The following AGBL4 variants were observed in gnomAD, a reference collection of about 807,000 sequenced individuals.
AGBL4 encodes the protein cytosolic carboxypeptidase 6.
A neutral mutation model predicts 66.4 loss-of-function variants in AGBL4; 58 were observed. That is an observed-to-expected ratio of 0.87 (90% CI 0.71 to 1.09). The LOEUF is 1.09. Ranked by LOEUF, AGBL4 falls within the 50% of genes least tolerant of loss-of-function variation. The probability of loss-of-function intolerance (pLI) is 0.00; values close to 1 mark genes in which losing one functional copy is unlikely to be tolerated. For missense variants in AGBL4, 579 were observed against 631.0 expected (o/e 0.92, Z 0.88); for synonymous variants, 234 against 222.9 (o/e 1.05, Z -0.44).
intron 6 of AGBL4, among the ~76,000 whole-genome samples, chr1:48,683,406 T>G (rs1255401561): frequency 6.6e-6 from 1 of 152,226 alleles, no homozygotes; most frequent in Non-Finnish European, 1.5e-5. Context: ...AGCTTTCAAC[T>G]GGACTGACAG....
intron 1 of AGBL4, among the ~76,000 whole-genome samples, chr1:49,868,112 A>T (rs1646750529): frequency 1.3e-5 from 2 of 152,038 alleles, no homozygotes; most frequent in South Asian, 4.1e-4. Context: ...CCACTGCTCA[A>T]GGAAATAAGA....
chr1:49,113,253 A>C (rs1382850906), intron 4 of AGBL4, among the ~76,000 whole-genome samples: 1 of 150,352 alleles, frequency 6.7e-6, no homozygotes, highest in Non-Finnish European at 1.5e-5. Flanking sequence ...CCCGGCCTTA[A>C]ATTTTTTTTG....
intron 3 of AGBL4, among the ~76,000 whole-genome samples, chr1:49,458,731 A>G (rs923851008): frequency 1.3e-5 from 2 of 151,674 alleles, no homozygotes; most frequent in African/African-American, 4.8e-5. Flanking sequence ...TGTCCTTTCT[A>G]TATCGATTTT....
At chr1:48,724,617 CT>C (rs1230371250) in intron 6 of AGBL4, among the ~76,000 whole-genome samples, 5 of 152,108 alleles carry the variant, frequency 3.3e-5, no homozygotes, top group Non-Finnish European at 7.4e-5. Context: ...TATTTTCACC[CT>C]TGGAAAAAGA....
intron 3 of AGBL4, among the ~76,000 whole-genome samples, chr1:49,589,492 G>A (rs1644713669): frequency 6.6e-6 from 1 of 151,978 alleles, no homozygotes; most frequent in African/African-American, 2.4e-5. Context: ...AAAAAGCAGA[G>A]TGTTCACCAA....
rs1477788143 is a variant in AGBL4, at chr1:49,114,914, A to G, written c.378-69114T>C. Among the ~76,000 whole-genome samples the G allele has an allele frequency of 2.0e-5, 3 of 152,210 alleles. 1 individual carries two copies. Among genetic ancestry groups the G allele is most frequent in the African/African-American group, 7.2e-5 (3 of 41,454 alleles). ...CACTGATTACAAATCACCATAGCAG[A>G]TATAATAATAATGAAAAAGTTTGAA... is the stretch of plus-strand genomic sequence containing the variant. On this transcript the variant is annotated intron_variant, in intron 4 of 13. Coordinates refer to ENST00000371839, the MANE Select transcript of AGBL4 (RefSeq NM_032785.4).
chr1:48,534,487 A>T (rs1643937621), intron 13 of AGBL4, among the ~76,000 whole-genome samples, 194 bp from the exon 14 acceptor site: 1 of 152,196 alleles, frequency 6.6e-6, no homozygotes, highest in African/African-American at 2.4e-5. Flanking sequence ...CTTATAGCTT[A>T]GGAGAGGGGA....
chr1:48,710,719 T>G (rs895573517), intron 6 of AGBL4, among the ~76,000 whole-genome samples: 3 of 152,188 alleles, frequency 2.0e-5, no homozygotes, highest in Admixed American at 1.3e-4. Context: ...GGAGCCTTCC[T>G]GTTCAACATG....
intron 3 of AGBL4, among the ~76,000 whole-genome samples, chr1:49,552,295 C>T (rs1289863950): frequency 6.6e-6 from 1 of 152,136 alleles, no homozygotes; most frequent in African/African-American, 2.4e-5. Context: ...TGGATTCACA[C>T]CCTCCCCCAG....
intron 3 of AGBL4, among the ~76,000 whole-genome samples, chr1:49,338,168 GTC>G (rs1645474025): frequency 6.6e-6 from 1 of 152,176 alleles, no homozygotes; most frequent in African/African-American, 2.4e-5. Flanking sequence ...AAACAAAACA[GTC>G]TGTTCTGTCA....
At chr1:48,933,623 C>T (rs1162109569) in intron 5 of AGBL4, among the ~76,000 whole-genome samples, 2 of 152,314 alleles carry the variant, frequency 1.3e-5, no homozygotes, top group East Asian at 1.9e-4. Context: ...CTGTGTGACC[C>T]TAAGCAAGTT....
chr1:48,547,411 G>A (rs1644181703), intron 11 of AGBL4, among the ~76,000 whole-genome samples: 1 of 152,072 alleles, frequency 6.6e-6, no homozygotes, highest in African/African-American at 2.4e-5. Context: ...GCCCAAAGGA[G>A]GGGAAGGAGT....
rs1424894239 is a variant in AGBL4, at chr1:49,366,975, T to C, written c.283-121111A>G. Among the ~76,000 whole-genome samples the C allele has an allele frequency of 2.6e-5, 4 of 152,086 alleles. No individual in the cohort carries two copies. In the East Asian group the frequency reaches 7.7e-4, roughly 29 times the overall value. On this transcript the variant is annotated intron_variant, in intron 3 of 13. Transcript: ENST00000371839. ...AATGGCAGAGGCAAGACAAGCTAGG[T>C]GAGGCACAGACATAGACATTTATAC... is the stretch of plus-strand genomic sequence containing the variant.
intron 5 of AGBL4, among the ~76,000 whole-genome samples, chr1:48,988,830 C>G (rs778838107): frequency 6.6e-6 from 1 of 152,144 alleles, no homozygotes; most frequent in Non-Finnish European, 1.5e-5. Flanking sequence ...CTCATTACTG[C>G]TAGCTTCAAT....
At chr1:49,174,639 G>T (rs1357788091) in intron 4 of AGBL4, among the ~76,000 whole-genome samples, 1 of 152,118 alleles carries the variant, frequency 6.6e-6, no homozygotes, top group Non-Finnish European at 1.5e-5. Context: ...ATCTATAGGA[G>T]AATACTCTGT....
chr1:49,840,559 A>G, intron 2 of AGBL4, among the ~76,000 whole-genome samples: 1 of 152,190 alleles, frequency 6.6e-6, no homozygotes. Context: ...TGGCACAGAC[A>G]TGACAAAGAA....
chr1:48,786,699 C>T (rs1409416536), intron 6 of AGBL4, among the ~76,000 whole-genome samples: 1 of 152,088 alleles, frequency 6.6e-6, no homozygotes, highest in Non-Finnish European at 1.5e-5. Context: ...TTGAGGTTAC[C>T]AACTGTTGAA....
intron 2 of AGBL4, among the ~76,000 whole-genome samples, chr1:49,787,840 A>C (rs1014106138): frequency 1.8e-4 from 27 of 152,218 alleles, no homozygotes; most frequent in African/African-American, 5.1e-4. Context: ...GTTGCCTACC[A>C]GCTCGCCTGC....
intron 5 of AGBL4, among the ~76,000 whole-genome samples, chr1:49,009,574 A>G (rs1269799115): frequency 1.3e-5 from 2 of 152,130 alleles, no homozygotes; most frequent in African/African-American, 4.8e-5. Context: ...AGACACAACC[A>G]AAAAAGAGAA....
Sources: allele counts gnomAD v4.1 joint callset (sites outside exome capture counted in the v4.1 genomes callset), GRCh38; gene constraint gnomAD v4.1.1; transcripts MANE v1.5; gene names NCBI Gene and HGNC (gene_info 2026-07-23, HGNC 2026-07-21).